The following TENM4 variants were observed in gnomAD, a reference collection of about 807,000 sequenced individuals.
TENM4 encodes the protein teneurin transmembrane protein 4.
Under a neutral mutation model 243.3 loss-of-function variants are expected in TENM4, and 82 were observed. That is an observed-to-expected ratio of 0.34 (90% CI 0.28 to 0.40). The LOEUF (loss-of-function observed/expected upper bound fraction) is 0.40. Among genes scored for constraint, TENM4 ranks in the 10% least tolerant of loss-of-function variants. The probability of loss-of-function intolerance (pLI) is 1.00; values close to 1 mark genes in which losing one functional copy is unlikely to be tolerated. For synonymous variants in TENM4, 1,412 were observed against 1,456.3 expected (o/e 0.97, Z 0.69); for missense variants, 3,138 against 3,673.3 (o/e 0.85, Z 3.77).
At chr11:78,658,960 A>G in intron 33 of TENM4, 144 bp from the exon 34 acceptor site, 3 of 937,490 alleles carry the variant, frequency 3.2e-6, no homozygotes, top group Non-Finnish European at 4.7e-6. Flanking sequence ...CCACCAGAAC[A>G]TCCAGGTGGT....
At chr11:78,982,061 C>A in intron 6 of TENM4, among the ~76,000 whole-genome samples, 1 of 152,160 alleles carries the variant, frequency 6.6e-6, no homozygotes, top group East Asian at 1.9e-4. Flanking sequence ...GATTCTGAGG[C>A]TTTTGCTTCT....
At chr11:78,749,458 G>A (rs1856131320) in intron 19 of TENM4, 2 of 151,444 alleles carry the variant, frequency 1.3e-5, no homozygotes, top group South Asian at 4.2e-4. Context: ...GAGGCCAGCT[G>A]TCAGGAAGTT....
At chr11:79,109,293 G>A (rs2137099496) in intron 4 of TENM4, among the ~76,000 whole-genome samples, 1 of 152,240 alleles carries the variant, frequency 6.6e-6, no homozygotes, top group South Asian at 2.1e-4. Context: ...ACAAGCACTC[G>A]TGAAGCACCC....
At chr11:78,870,162 A>G (rs945020349) in intron 9 of TENM4, among the ~76,000 whole-genome samples, 1 of 152,236 alleles carries the variant, frequency 6.6e-6, no homozygotes, top group Non-Finnish European at 1.5e-5. Context: ...GGATTGAATG[A>G]GATAATGTAA....
intron 17 of TENM4, among the ~76,000 whole-genome samples, chr11:78,776,753 GTGA>G (rs1856748471): frequency 6.6e-6 from 1 of 152,118 alleles, no homozygotes; most frequent in African/African-American, 2.4e-5. Context: ...TAAAGTTCTG[GTGA>G]TGATATTTTC....
At position 79,438,906 on chromosome 11, in the gene TENM4, T is replaced by C. The variant is rs1201985911; in HGVS notation, c.-321+1603A>G. 6.6e-6 allele frequency: 1 copy of C among 152,014 alleles called. No individual in the cohort carries two copies. The highest frequency in any genetic ancestry group is 1.9e-4 in the East Asian group (1 of 5,162). 9.4% of individuals were successfully genotyped at this position (152,014 alleles called of 1,614,324 possible). A position where few individuals can be genotyped will look rare whatever the true frequency, so the allele number is the denominator to read the frequency against. On this transcript the variant is annotated intron_variant, in intron 1 of 33. Transcript: ENST00000278550. This position sits in a 1 kb window ranked among gnomAD's most constrained non-coding sequence, Gnocchi z 4.1. ...ACGCCCATCGCACAAGTGGGCGCCG[T>C]GGTGCGAGGCGTATCCTAGCTACCC... is the stretch of plus-strand genomic sequence containing the variant.
chr11:78,859,754 C>T (rs928424346), intron 10 of TENM4, among the ~76,000 whole-genome samples: 2 of 152,184 alleles, frequency 1.3e-5, no homozygotes, highest in African/African-American at 4.8e-5. Context: ...ATAAGCTGTT[C>T]TGTTTTGGAG....
intron 4 of TENM4, among the ~76,000 whole-genome samples, chr11:79,141,158 T>C (rs1003345607): frequency 2.6e-5 from 4 of 152,070 alleles, no homozygotes; most frequent in African/African-American, 9.7e-5. Context: ...AATTCCCTTC[T>C]TCTCTGGGCC....
intron 9 of TENM4, among the ~76,000 whole-genome samples, chr11:78,884,412 C>T (rs1212263399): frequency 6.6e-6 from 1 of 152,012 alleles, no homozygotes; most frequent in Non-Finnish European, 1.5e-5. Context: ...AGTGATACAG[C>T]CAGGGTCTGA....
At chr11:79,088,469 G>A (rs995460537) in intron 4 of TENM4, among the ~76,000 whole-genome samples, 8 of 152,134 alleles carry the variant, frequency 5.3e-5, no homozygotes, top group African/African-American at 1.9e-4. Flanking sequence ...GCCAAGGTTC[G>A]ACTCCCAGCT....
chr11:79,180,860 T>C (rs1052197291), intron 3 of TENM4, among the ~76,000 whole-genome samples: 3 of 150,544 alleles, frequency 2.0e-5, no homozygotes, highest in South Asian at 2.1e-4. Context: ...GTCATATATA[T>C]ACACACACAT....
chr11:79,011,051 G>C lies in TENM4; in HGVS notation c.493+53687C>G, dbSNP rs534496331. On this transcript the variant is annotated intron_variant, in intron 6 of 33. Coordinates refer to ENST00000278550, the MANE Select transcript of TENM4 (RefSeq NM_001098816.3). ...CACATAGTAGAATGTTTGATGTGTA[G>C]TAGGTGTGTTCCCTTCTCTAGTCAT... Among the ~76,000 whole-genome samples the C allele has an allele frequency of 3.3e-5, 5 of 152,350 alleles. No homozygotes were observed. The East Asian group carries it at 9.6e-4, about 29-fold the overall frequency.
At chr11:79,388,666 T>C (rs1406588710) in intron 1 of TENM4, among the ~76,000 whole-genome samples, 1 of 152,298 alleles carries the variant, frequency 6.6e-6, no homozygotes, top group Admixed American at 6.5e-5. Flanking sequence ...TGAGCACCAC[T>C]CGATGGGATG....
intron 29 of TENM4, among the ~76,000 whole-genome samples, chr11:78,687,073 G>T (rs1858698951): frequency 6.6e-6 from 1 of 152,158 alleles, no homozygotes; most frequent in African/African-American, 2.4e-5. Context: ...TGGGGCAGGT[G>T]TTAAAATTCA....
intron 17 of TENM4, among the ~76,000 whole-genome samples, chr11:78,775,708 A>G (rs1290856070): frequency 6.6e-6 from 1 of 152,214 alleles, no homozygotes; most frequent in South Asian, 2.1e-4. Flanking sequence ...AAACTCATCA[A>G]TAATTCAGAC....
intron 6 of TENM4, among the ~76,000 whole-genome samples, chr11:78,998,411 G>T (rs929604619): frequency 6.6e-6 from 1 of 152,174 alleles, no homozygotes. Flanking sequence ...TTATAGGGGG[G>T]ATTTTGGCCT....
chr11:79,165,055 G>A (rs891516224), intron 3 of TENM4, among the ~76,000 whole-genome samples: 3 of 151,564 alleles, frequency 2.0e-5, no homozygotes, highest in African/African-American at 7.3e-5. Flanking sequence ...ATGAGCATTT[G>A]AGCTGGTTTC....
At chr11:78,789,123 C>A (rs993616611) in intron 15 of TENM4, among the ~76,000 whole-genome samples, 1 of 152,054 alleles carries the variant, frequency 6.6e-6, no homozygotes, top group Non-Finnish European at 1.5e-5. Context: ...AAGCACAGAT[C>A]CTGGTATAGA....
At chr11:79,123,324 A>G (rs1041175000) in intron 4 of TENM4, among the ~76,000 whole-genome samples, 1 of 152,182 alleles carries the variant, frequency 6.6e-6, no homozygotes, top group Non-Finnish European at 1.5e-5. Flanking sequence ...TGAGATATTG[A>G]AAAGTTACGA....
Sources: gnomAD v4.1 joint callset for allele counts (sites outside exome capture counted in the v4.1 genomes callset) on GRCh38, gnomAD v4.1.1 for gene constraint, Gnocchi (gnomAD v3.1) non-coding constraint, MANE v1.5 for transcripts, NCBI Gene and HGNC (gene_info 2026-07-23, HGNC 2026-07-21) for gene names.